Variants in ELSPBP1 observed in about 807,000 individuals in gnomAD.
The protein encoded by ELSPBP1 is epididymal sperm-binding protein 1.
In ELSPBP1, 38 loss-of-function variants were observed where a neutral mutation model predicts 33.3. That is an observed-to-expected ratio of 1.14 (90% CI 0.88 to 1.50). The LOEUF (loss-of-function observed/expected upper bound fraction) is 1.50, where lower values mean the gene tolerates loss of function less well. ELSPBP1 is among the 40% of genes most tolerant of loss of function. ELSPBP1 has a pLI of 0.00. For synonymous variants in ELSPBP1, 85 were observed against 94.1 expected (o/e 0.90, Z 0.56); for missense variants, 267 against 263.5 (o/e 1.01, Z -0.09).
At chr19:48,016,996 C>T (rs906149612) in intron 4 of ELSPBP1, among the ~76,000 whole-genome samples, 3 of 152,192 alleles carry the variant, frequency 2.0e-5, no homozygotes, top group African/African-American at 7.2e-5. Context: ...CTCTGTCCTA[C>T]ACTGATCCAA....
At chr19:48,010,522 T>C (rs890587187) in intron 2 of ELSPBP1, among the ~76,000 whole-genome samples, 1 of 152,200 alleles carries the variant, frequency 6.6e-6, no homozygotes, top group African/African-American at 2.4e-5. Flanking sequence ...TCGGGAGTTA[T>C]AGACACATAA....
chr19:48,004,754 A>G (rs1277940680), intron 1 of ELSPBP1, among the ~76,000 whole-genome samples: 1 of 152,212 alleles, frequency 6.6e-6, no homozygotes, highest in Non-Finnish European at 1.5e-5. Flanking sequence ...TTCGCTTCAT[A>G]TCTGTCTCCT....
chr19:48,019,427 C>T (rs777763906), intron 4 of ELSPBP1, among the ~76,000 whole-genome samples: 4 of 151,946 alleles, frequency 2.6e-5, no homozygotes, highest in Admixed American at 6.6e-5. Context: ...TAGGGCTATT[C>T]GCAACTCTTA....
rs549786476 is a variant in ELSPBP1, at chr19:48,021,744, G to A, written c.515-426G>A. ...GGATTACAGGCATGAGCCACAAAGC[G>A]CAGCCACATTTTATATTTTAGAGAC... On this transcript the variant is annotated intron_variant, in intron 5 of 6. Coordinates refer to ENST00000339841, the MANE Select transcript of ELSPBP1 (RefSeq NM_022142.5). 5.9e-5 allele frequency among the ~76,000 whole-genome samples: 9 copies of A among 151,960 alleles called. No homozygotes were observed. The East Asian group carries it at 1.4e-3, about 23-fold the overall frequency.
Position 48,019,778 on chromosome 19 carries a change from G to A in ELSPBP1, c.415G>A (p.Val139Met). The change falls in exon 5 of 7, where the codon GTG (valine) becomes ATG (methionine). Residue 139 changes from valine (V) to methionine (M), a missense_variant. Val to Met is a conservative substitution (Grantham distance 21, BLOSUM62 1). Transcript: ENST00000339841. ...CIFPSIYRNN[V>M]VSDCMEDESN... Reference sequence around the variant, plus strand: ...CTTCCCCTCCATCTACAGAAATAATGTGGTCTCTGATTGCATGGAGGATGA... The same window carrying A: ...CTTCCCCTCCATCTACAGAAATAATATGGTCTCTGATTGCATGGAGGATGA... 6.2e-7 allele frequency: 1 copy of A among 1,614,076 alleles called. No homozygotes were observed. Among genetic ancestry groups the A allele is most frequent in the Non-Finnish European group, 8.5e-7 (1 of 1,180,000 alleles).
intron 6 of ELSPBP1, among the ~76,000 whole-genome samples, chr19:48,024,325 C>T (rs3936340): frequency 0.92 from 140,214 of 152,146 alleles, 64,656 homozygotes; most frequent in African/African-American, 0.95. Context: ...GAAATGGTCT[C>T]TAAATCTCCC....
chr19:48,006,641 A>G (rs796795392), intron 1 of ELSPBP1, among the ~76,000 whole-genome samples: 15 of 89,750 alleles, frequency 1.7e-4, no homozygotes, highest in African/African-American at 2.8e-4. Flanking sequence ...AAAAAAAAAA[A>G]AAAAAAGAAA....
At chr19:48,023,703 A>T (rs1967238772) in intron 6 of ELSPBP1, among the ~76,000 whole-genome samples, 1 of 152,046 alleles carries the variant, frequency 6.6e-6, no homozygotes, top group African/African-American at 2.4e-5. Flanking sequence ...ATCACTGAGT[A>T]GCTGACCAAG....
chr19:48,014,112 A>C, intron 2 of ELSPBP1, 59 bp from the exon 3 acceptor site: 1 of 1,582,816 alleles, frequency 6.3e-7, no homozygotes, highest in Non-Finnish European at 8.6e-7. Context: ...ACCAAGACTC[A>C]TCCTTTGCTA....
Position 48,014,160 on chromosome 19 carries a change from C to T in ELSPBP1, c.71-11C>T, listed in dbSNP as rs951806429. On this transcript the variant is annotated splice_polypyrimidine_tract_variant and intron_variant, in intron 2 of 6. Transcript: ENST00000339841. ...TCTTCCCCACTCCTGTTTTCTCCTT[C>T]TGCCCTTCAGGGATGCATGAGGAAT... 1.2e-6 allele frequency: 2 copies of T among 1,612,004 alleles called. No individual in the cohort carries two copies. The highest frequency in any genetic ancestry group is 4.5e-5 in the East Asian group (2 of 44,732).
chr19:48,011,028 A>C lies in ELSPBP1; in HGVS notation c.70+2291A>C, dbSNP rs1374826071. On this transcript the variant is annotated intron_variant, in intron 2 of 6. Coordinates refer to ENST00000339841, the MANE Select transcript of ELSPBP1 (RefSeq NM_022142.5). The surrounding 1 kb of genome is among the most constrained non-coding windows in gnomAD (Gnocchi z 4.5). Reference sequence around the variant, plus strand: ...AATAATGACAGTGAAGATGACAATGATAATGATGAGGATGATGATGATATG... The same window carrying C: ...AATAATGACAGTGAAGATGACAATGCTAATGATGAGGATGATGATGATATG... Among the ~76,000 whole-genome samples, 2 of 150,876 alleles carry C rather than the reference A, an allele frequency of 1.3e-5. No individual in the cohort carries two copies. The highest frequency in any genetic ancestry group is 3.9e-4 in the East Asian group (2 of 5,172).
intron 4 of ELSPBP1, 70 bp from the exon 5 acceptor site, chr19:48,019,649 T>C: frequency 1.3e-6 from 2 of 1,482,052 alleles, no homozygotes; most frequent in Admixed American, 2.0e-5. Context: ...TGGCACAGTT[T>C]GTGTGTCATA....
intron 6 of ELSPBP1, among the ~76,000 whole-genome samples, chr19:48,023,040 T>C (rs573238141): frequency 2.0e-5 from 3 of 148,382 alleles, no homozygotes; most frequent in African/African-American, 7.5e-5. Flanking sequence ...TGAGACCTTG[T>C]CTAAGAAAGA....
intron 2 of ELSPBP1, 142 bp from the exon 3 acceptor site, chr19:48,014,029 A>G: frequency 1.1e-6 from 1 of 947,366 alleles, no homozygotes; most frequent in East Asian, 2.4e-5. Context: ...CGTGGGGGTT[A>G]GGATTTTAAC....
rs143871056 is a variant in ELSPBP1 at position 48,023,529 on chromosome 19, G to GGGA, written c.*7+1195_*7+1196insGGA. 5.3e-3 allele frequency among the ~76,000 whole-genome samples: 566 copies of GGGA among 106,854 alleles called. 7 individuals carry two copies. Among genetic ancestry groups the GGGA allele is most frequent in the Middle Eastern group, 0.032 (6 of 188 alleles). The allele number at this position is 106,854 out of a possible 152,430, so 70.1% of individuals were successfully genotyped here. A position where few individuals can be genotyped will look rare whatever the true frequency, so the allele number is the denominator to read the frequency against. On this transcript the variant is annotated intron_variant, in intron 6 of 6. Transcript: ENST00000339841. ...AGAGGAAGGAAATAAGGAAGGAAGG[G>GGGA]AGGAAGGAAAGAAGGAAGAAAAGGG...
At chr19:48,010,720 CG>C (rs71181625) in intron 2 of ELSPBP1, among the ~76,000 whole-genome samples, 25,419 of 151,890 alleles carry the variant, frequency 0.17, 2,185 homozygotes, top group South Asian at 0.23. Context: ...ATCTCAAAGA[CG>C]AGAAAGAACA....
At chr19:48,014,019 C>A in intron 2 of ELSPBP1, 152 bp from the exon 3 acceptor site, 1 of 868,188 alleles carries the variant, frequency 1.2e-6, no homozygotes, top group East Asian at 2.5e-5. Context: ...GTACCATGAC[C>A]GTGGGGGTTA....
At chr19:48,021,501 G>A (rs546010744) in intron 5 of ELSPBP1, among the ~76,000 whole-genome samples, 33 of 151,146 alleles carry the variant, frequency 2.2e-4, no homozygotes, top group Admixed American at 6.6e-4. Context: ...GTGCAGTGGC[G>A]TGATCTCGGC....
chr19:48,022,360 A>C, intron 6 of ELSPBP1, 26 bp downstream of exon 6: 3 of 1,573,870 alleles, frequency 1.9e-6, no homozygotes, highest in Non-Finnish European at 1.7e-6. Flanking sequence ...AACAGTGGTC[A>C]TTTCACGGAT....
Sources: gnomAD v4.1 joint callset for allele counts (sites outside exome capture counted in the v4.1 genomes callset) on GRCh38, gnomAD v4.1.1 for gene constraint, Gnocchi (gnomAD v3.1) non-coding constraint, MANE v1.5 for transcripts, NCBI Gene and HGNC (gene_info 2026-07-23, HGNC 2026-07-21) for gene names.